The following CAMTA1 variants were observed in gnomAD, a reference collection of about 807,000 sequenced individuals.
CAMTA1 encodes calmodulin-binding transcription activator 1.
Under a neutral mutation model 170.9 loss-of-function variants are expected in CAMTA1, and 27 were observed. That is an observed-to-expected ratio of 0.16 (90% confidence interval 0.12 to 0.22). CAMTA1 has a LOEUF of 0.22. Among genes scored for constraint, CAMTA1 ranks in the 10% least tolerant of loss-of-function variants. CAMTA1 has a pLI of 1.00. For synonymous variants in CAMTA1, 833 were observed against 891.5 expected, an observed-to-expected ratio of 0.93 and a Z score of 1.17; for missense variants, 1,619 against 2,217.2, an observed-to-expected ratio of 0.73 and a Z score of 5.42.
chr1:7,423,469 CA>C (rs1016382434), intron 5 of CAMTA1, among the ~76,000 whole-genome samples: 6,276 of 47,894 alleles, frequency 0.13, 282 homozygotes, highest in African/African-American at 0.31. Context: ...AACTCCATCT[CA>C]AAAAAAAAAA....
chr1:7,471,816 G>T (rs1419215449), intron 6 of CAMTA1, among the ~76,000 whole-genome samples: 4 of 152,214 alleles, frequency 2.6e-5, no homozygotes, highest in Non-Finnish European at 5.9e-5. Flanking sequence ...AGGCAGCAGA[G>T]GTTCAGGGCC....
chr1:7,542,255 C>A (rs2094621322), intron 6 of CAMTA1, among the ~76,000 whole-genome samples: 1 of 150,256 alleles, frequency 6.7e-6, no homozygotes, highest in Non-Finnish European at 1.5e-5. Context: ...ATATTTCCTG[C>A]CAGTTTGTTG....
chr1:6,834,836 G>A (rs868288749), intron 3 of CAMTA1, among the ~76,000 whole-genome samples: 3 of 152,044 alleles, frequency 2.0e-5, no homozygotes, highest in Middle Eastern at 3.2e-3. Context: ...AATCTCGCTC[G>A]CCATGTTGCC....
rs539161371 is a variant in CAMTA1 at position 6,848,448 on chromosome 1, C to T, written c.234+23238C>T. ...ACAGGCATAAGCTACTGCATCTGGC[C>T]TTTTAGCACAGTTTAATCAGAAGAG... On this transcript the variant is annotated intron_variant, in intron 3 of 22. Coordinates refer to ENST00000303635, the MANE Select transcript of CAMTA1 (RefSeq NM_015215.4). 2.0e-5 allele frequency among the ~76,000 whole-genome samples: 3 copies of T among 152,320 alleles called. No homozygotes were observed. The South Asian group carries it at 6.2e-4, about 32-fold the overall frequency.
chr1:6,977,239 A>AT (rs1442013475), intron 3 of CAMTA1, among the ~76,000 whole-genome samples: 9 of 152,140 alleles, frequency 5.9e-5, no homozygotes, highest in African/African-American at 2.2e-4. Flanking sequence ...ACAGATGCCG[A>AT]TGCCCAGCAC....
At chr1:7,476,890 A>G (rs1182717888) in intron 6 of CAMTA1, among the ~76,000 whole-genome samples, 1 of 152,104 alleles carries the variant, frequency 6.6e-6, no homozygotes, top group Non-Finnish European at 1.5e-5. Flanking sequence ...GCATTTAGTC[A>G]CTGTCACCAT....
At chr1:7,297,641 C>T (rs575771290) in intron 5 of CAMTA1, among the ~76,000 whole-genome samples, 1 of 152,376 alleles carries the variant, frequency 6.6e-6, no homozygotes, top group East Asian at 1.9e-4. Flanking sequence ...CAAGATTCTT[C>T]TCTCCAGAGC....
At chr1:7,332,025 G>A (rs1161504746) in intron 5 of CAMTA1, among the ~76,000 whole-genome samples, 1 of 152,148 alleles carries the variant, frequency 6.6e-6, no homozygotes, top group African/African-American at 2.4e-5. Context: ...CTGAAACCCT[G>A]TAACTCCATC....
chr1:6,786,111 A>G (rs1438236692), intron 1 of CAMTA1, among the ~76,000 whole-genome samples: 2 of 151,672 alleles, frequency 1.3e-5, no homozygotes, highest in Non-Finnish European at 3.0e-5. Flanking sequence ...GGGCAGGGCC[A>G]GATGTACTCT....
chr1:7,576,231 A>G (rs1480521276), intron 6 of CAMTA1, among the ~76,000 whole-genome samples: 2 of 152,102 alleles, frequency 1.3e-5, no homozygotes, highest in East Asian at 3.9e-4. Flanking sequence ...GCTGGTCTCC[A>G]ACTCCTGACC....
intron 1 of CAMTA1, among the ~76,000 whole-genome samples, chr1:6,797,078 A>G (rs1403146213): frequency 6.6e-6 from 1 of 152,114 alleles, no homozygotes; most frequent in African/African-American, 2.4e-5. Context: ...TCTTGAGATC[A>G]CTTTTTTTTC....
chr1:6,970,244 CTG>C lies in CAMTA1; in HGVS notation c.235-121057_235-121056del, dbSNP rs1692286338. The stretch of plus-strand genomic sequence containing the variant: ...CACTCTCAGTGATTTCAGCGCATCT[CTG>C]TGCCTTTTTTGGTCCACATGCATAT... On this transcript the variant is annotated intron_variant, in intron 3 of 22. Transcript: ENST00000303635. This position sits in a 1 kb window ranked among gnomAD's most constrained non-coding sequence, Gnocchi z 4.4. Among the ~76,000 whole-genome samples, 1 of 152,230 alleles carries C rather than the reference CTG, an allele frequency of 6.6e-6. No homozygotes were observed.
chr1:6,835,906 A>G (rs1652870278), intron 3 of CAMTA1, among the ~76,000 whole-genome samples: 1 of 152,238 alleles, frequency 6.6e-6, no homozygotes, highest in African/African-American at 2.4e-5. Flanking sequence ...TGGAGAGGGC[A>G]TATAGAAGCA....
intron 6 of CAMTA1, among the ~76,000 whole-genome samples, chr1:7,563,135 G>C (rs754972449): frequency 6.6e-6 from 1 of 152,184 alleles, no homozygotes; most frequent in Non-Finnish European, 1.5e-5. Context: ...CCTGGTCATC[G>C]GGCTGTAGCC....
At chr1:7,486,467 T>A (rs74636472) in intron 6 of CAMTA1, among the ~76,000 whole-genome samples, 8,040 of 152,226 alleles carry the variant, frequency 0.053, 296 homozygotes, top group East Asian at 0.16. Context: ...TGGCCAAGAC[T>A]GATAATGCTC....
chr1:7,531,636 C>A (rs1575832811), intron 6 of CAMTA1, among the ~76,000 whole-genome samples: 1 of 152,224 alleles, frequency 6.6e-6, no homozygotes, highest in East Asian at 1.9e-4. Context: ...GCTGGGGGAC[C>A]CAGAGGAGAG....
At chr1:7,496,436 T>C (rs1750845) in intron 6 of CAMTA1, among the ~76,000 whole-genome samples, 94,177 of 151,990 alleles carry the variant, frequency 0.62, 29,742 homozygotes, top group East Asian at 0.82. Flanking sequence ...GTGTGCACTG[T>C]CTGTGTCCCC....
intron 3 of CAMTA1, among the ~76,000 whole-genome samples, chr1:6,941,380 C>T (rs1003717899): frequency 3.9e-5 from 6 of 152,250 alleles, no homozygotes; most frequent in Middle Eastern, 3.4e-3. Flanking sequence ...CCAGCTTTTC[C>T]GAATCCGAGT....
At chr1:6,978,417 C>T (rs1275349751) in intron 3 of CAMTA1, among the ~76,000 whole-genome samples, 7 of 151,942 alleles carry the variant, frequency 4.6e-5, no homozygotes, top group East Asian at 1.9e-4. Context: ...GTGGATCACC[C>T]GAGGGCAGGA....
Sources: allele counts gnomAD v4.1 joint callset (sites outside exome capture counted in the v4.1 genomes callset), GRCh38; gene constraint gnomAD v4.1.1; non-coding constraint Gnocchi (gnomAD v3.1); transcripts MANE v1.5; gene names NCBI Gene and HGNC (gene_info 2026-07-23, HGNC 2026-07-21).